The following EPHA5 variants were observed in gnomAD, a reference collection of about 807,000 sequenced individuals.
EPHA5 encodes ephrin type-A receptor 5.
In EPHA5, 60 loss-of-function variants were observed where a neutral mutation model predicts 105.0. The observed-to-expected ratio is 0.57, with a 90% CI of 0.46 to 0.71. The LOEUF is 0.71. Ranked by LOEUF, EPHA5 falls within the 30% of genes least tolerant of loss-of-function variation. The pLI is 0.00. For missense variants in EPHA5, 1,218 were observed against 1,274.7 expected, an observed-to-expected ratio of 0.96 and a Z score of 0.68; for synonymous variants, 513 against 449.1, an observed-to-expected ratio of 1.14 and a Z score of -1.80.
intron 5 of EPHA5, among the ~76,000 whole-genome samples, chr4:65,458,406 C>T (rs1165180067): frequency 1.3e-5 from 2 of 152,146 alleles, no homozygotes; most frequent in Non-Finnish European, 2.9e-5. Context: ...GACAATGCTA[C>T]TTCTCTGCCT....
At chr4:65,437,257 T>G (rs1200669180) in intron 5 of EPHA5, among the ~76,000 whole-genome samples, 2 of 152,010 alleles carry the variant, frequency 1.3e-5, no homozygotes, top group Non-Finnish European at 2.9e-5. Context: ...GCCATCCTAC[T>G]GAGTTTATAA....
intron 3 of EPHA5, among the ~76,000 whole-genome samples, chr4:65,592,049 G>T (rs1205933134): frequency 9.2e-5 from 14 of 151,610 alleles, no homozygotes; most frequent in Admixed American, 9.2e-4. Flanking sequence ...TTTGTATTTG[G>T]CATGGTATAC....
intron 8 of EPHA5, among the ~76,000 whole-genome samples, chr4:65,397,005 A>G (rs1419361069): frequency 6.6e-6 from 1 of 152,210 alleles, no homozygotes; most frequent in African/African-American, 2.4e-5. Flanking sequence ...AATCCCTTGG[A>G]TAGACCTGTT....
At chr4:65,508,596 A>G (rs73223852) in intron 3 of EPHA5, among the ~76,000 whole-genome samples, 23,395 of 152,070 alleles carry the variant, frequency 0.15, 1,910 homozygotes, top group East Asian at 0.2. Context: ...GAATAAAACC[A>G]TTACATGTAG....
At chr4:65,530,665 G>A (rs1192982855) in intron 3 of EPHA5, among the ~76,000 whole-genome samples, 1 of 152,218 alleles carries the variant, frequency 6.6e-6, no homozygotes. Flanking sequence ...CTGAATGACA[G>A]ACTTCTGATA....
chr4:65,529,252 A>T (rs771385697), intron 3 of EPHA5, among the ~76,000 whole-genome samples: 5 of 152,164 alleles, frequency 3.3e-5, no homozygotes, highest in Non-Finnish European at 7.4e-5. Context: ...ATCCCCAAAC[A>T]GTGGTCTAAT....
At chr4:65,477,662 C>T (rs111493587) in intron 5 of EPHA5, among the ~76,000 whole-genome samples, 1,705 of 152,184 alleles carry the variant, frequency 0.011, 37 homozygotes, top group African/African-American at 0.039. Context: ...TCACCCCTGC[C>T]TCGGCCTCCC....
At chr4:65,380,603 T>C (rs1444171707) in intron 8 of EPHA5, among the ~76,000 whole-genome samples, 1 of 151,458 alleles carries the variant, frequency 6.6e-6, no homozygotes, top group Non-Finnish European at 1.5e-5. Flanking sequence ...AACAGGTAAA[T>C]GAGAAAAAAG....
At chr4:65,442,564 C>T (rs1383599305) in intron 5 of EPHA5, among the ~76,000 whole-genome samples, 1 of 152,146 alleles carries the variant, frequency 6.6e-6, no homozygotes, top group African/African-American at 2.4e-5. Flanking sequence ...ATATCAGTGC[C>T]ATTCTGTGTA....
chr4:65,331,471 A>C (rs888988648), intron 16 of EPHA5: 2 of 1,049,442 alleles, frequency 1.9e-6, no homozygotes, highest in Admixed American at 1.1e-4. Context: ...GATTGAAAGA[A>C]TGTAAGGTGC....
At chr4:65,627,039 T>C (rs1462126559) in intron 2 of EPHA5, among the ~76,000 whole-genome samples, 1 of 152,214 alleles carries the variant, frequency 6.6e-6, no homozygotes, top group Non-Finnish European at 1.5e-5. Context: ...ATATAGGTTA[T>C]AATATCCAGT....
intron 3 of EPHA5, among the ~76,000 whole-genome samples, chr4:65,498,957 C>T (rs1219206306): frequency 1.4e-5 from 2 of 147,858 alleles, no homozygotes; most frequent in South Asian, 4.2e-4. Context: ...CCTTAGTTAA[C>T]TTCATTTCCA....
Position 65,621,710 on chromosome 4 carries a change from T to C in EPHA5, c.247-19406A>G, listed in dbSNP as rs190141380. Among the ~76,000 whole-genome samples, 91 of 152,112 alleles carry C rather than the reference T, an allele frequency of 6.0e-4. 2 individuals carry two copies. The East Asian group carries it at 0.017, about 28-fold the overall frequency. Reference sequence around the variant, plus strand: ...CCAGGGACAAAGACACGAGTCCAAATGTTGGGTTATTTTCAGAAAACTGTT... The same window carrying C: ...CCAGGGACAAAGACACGAGTCCAAACGTTGGGTTATTTTCAGAAAACTGTT... On this transcript the variant is annotated intron_variant, in intron 2 of 16. Coordinates refer to ENST00000613740, the MANE Select transcript of EPHA5 (RefSeq NM_001281766.3).
rs773394949 is a variant in EPHA5, at chr4:65,602,057, T to C, written c.494A>G (p.Asn165Ser). ...TTTGATGTATTGGTTTTCCTTGATGTTTCTCCCATTCTGATCATCTGACTC... is the reference window on the plus strand; with the variant it reads ...TTTGATGTATTGGTTTTCCTTGATGCTTCTCCCATTCTGATCATCTGACTC... ...YFESDDQNGR[N>S]IKENQYIKID... Residue 165 changes from asparagine (N) to serine (S), a missense_variant, in exon 3 of 17, where the codon AAC becomes AGC. Physicochemically the swap from Asn to Ser is conservative, Grantham distance 46. Coordinates refer to ENST00000613740, the MANE Select transcript of EPHA5 (RefSeq NM_001281766.3). 3 of 1,614,160 alleles carry C rather than the reference T, an allele frequency of 1.9e-6. No homozygotes were observed. Among genetic ancestry groups the C allele is most frequent in the East Asian group, 4.5e-5 (2 of 44,874 alleles).
chr4:65,526,937 T>C (rs1472596728), intron 3 of EPHA5, among the ~76,000 whole-genome samples: 1 of 152,046 alleles, frequency 6.6e-6, no homozygotes, highest in Non-Finnish European at 1.5e-5. Flanking sequence ...AAAAATCTAA[T>C]GCTACTAAAC....
At chr4:65,503,715 C>A (rs1732718840) in intron 3 of EPHA5, among the ~76,000 whole-genome samples, 1 of 151,616 alleles carries the variant, frequency 6.6e-6, no homozygotes, top group African/African-American at 2.4e-5. Flanking sequence ...CTGTACTGAA[C>A]ATGGAATATA....
At chr4:65,324,968 A>T (rs1268483914) in intron 16 of EPHA5, among the ~76,000 whole-genome samples, 2 of 151,292 alleles carry the variant, frequency 1.3e-5, no homozygotes, top group Admixed American at 6.6e-5. Flanking sequence ...GCTCAAGACA[A>T]GTGGCCATGG....
intron 5 of EPHA5, among the ~76,000 whole-genome samples, chr4:65,453,369 T>TC (rs1727250844): frequency 6.6e-6 from 1 of 152,178 alleles, no homozygotes; most frequent in South Asian, 2.1e-4. Context: ...TTTTTAATTC[T>TC]CCAACTCTTT....
intron 1 of EPHA5, among the ~76,000 whole-genome samples, chr4:65,648,966 A>C (rs1748361182): frequency 6.6e-6 from 1 of 152,178 alleles, no homozygotes; most frequent in African/African-American, 2.4e-5. Context: ...AGATTTGTAA[A>C]TTTGGGGAAA....
Sources: allele counts gnomAD v4.1 joint callset (sites outside exome capture counted in the v4.1 genomes callset), GRCh38; gene constraint gnomAD v4.1.1; transcripts MANE v1.5; gene names NCBI Gene and HGNC (gene_info 2026-07-23, HGNC 2026-07-21).